Variants in SH2D7 observed in about 807,000 individuals in gnomAD.
SH2D7 encodes the protein SH2 domain containing 7.
A neutral mutation model predicts 40.8 loss-of-function variants in SH2D7; 32 were observed. The observed-to-expected ratio is 0.78, with a 90% confidence interval of 0.59 to 1.05. The LOEUF is 1.05. Ranked by LOEUF, SH2D7 falls within the 50% of genes least tolerant of loss-of-function variation. SH2D7 has a pLI of 0.00. For missense variants in SH2D7, 559 were observed against 566.6 expected (o/e 0.99, Z 0.14); for synonymous variants, 195 against 221.5 (o/e 0.88, Z 1.06).
chr15:78,094,394 C>T lies in SH2D7; in HGVS notation c.266+193C>T, dbSNP rs554166180. ...TGGCCATATACTAGGGATGAAGACA[C>T]GGCCTTCAAAGGAGGTGAGTGGGGT... On this transcript the variant is annotated intron_variant, in intron 2 of 5. Transcript: ENST00000328828. Among the ~76,000 whole-genome samples, 4 of 152,314 alleles carry T rather than the reference C, an allele frequency of 2.6e-5. No individual in the cohort carries two copies. In the South Asian group the frequency reaches 6.2e-4, roughly 24 times the overall value.
At chr15:78,098,761 C>T (rs1046718895) in intron 4 of SH2D7, among the ~76,000 whole-genome samples, 165 bp downstream of exon 4, 9 of 152,370 alleles carry the variant, frequency 5.9e-5, no homozygotes, top group South Asian at 2.1e-4. Flanking sequence ...AGGGTTCACC[C>T]GTGCCATGGC....
intron 2 of SH2D7, among the ~76,000 whole-genome samples, chr15:78,095,745 A>T (rs932546473): frequency 6.6e-6 from 1 of 152,226 alleles, no homozygotes; most frequent in Non-Finnish European, 1.5e-5. Context: ...TGAAAATGAG[A>T]GGCCAAGTTT....
upstream of SH2D7, among the ~76,000 whole-genome samples, chr15:78,091,493 G>A (rs571426648): frequency 1.3e-5 from 2 of 152,114 alleles, no homozygotes; most frequent in African/African-American, 4.8e-5. Flanking sequence ...GCCCAGGGTG[G>A]TCTCACATCA....
At position 78,098,000 on chromosome 15, in the gene SH2D7, C is replaced by T. The variant is rs185781197; in HGVS notation, c.338C>T (p.Thr113Ile). ...RNRRYIISGD[T>I]QSHSTLAELV... ...CGGCGTTACATCATCTCAGGAGACACCCAGAGCCACAGCACCCTGGCTGAG... is the reference window on the plus strand; with the variant it reads ...CGGCGTTACATCATCTCAGGAGACATCCAGAGCCACAGCACCCTGGCTGAG... Residue 113 changes from threonine to isoleucine, a missense_variant, in exon 3 of 6, where the codon ACC (threonine) becomes ATC (isoleucine). Transcript: ENST00000328828. The T allele has an allele frequency of 3.9e-5, 63 of 1,614,022 alleles. No homozygotes were observed. In the Admixed American group the frequency reaches 1.0e-3, roughly 26 times the overall value.
intron 2 of SH2D7, among the ~76,000 whole-genome samples, chr15:78,096,176 A>C (rs1235696866): frequency 1.3e-5 from 2 of 152,186 alleles, no homozygotes; most frequent in Non-Finnish European, 2.9e-5. Context: ...TTATAAAGAG[A>C]TATTATTAAG....
intron 2 of SH2D7, among the ~76,000 whole-genome samples, chr15:78,096,041 C>T (rs1343891826): frequency 1.3e-5 from 2 of 152,002 alleles, no homozygotes; most frequent in African/African-American, 4.8e-5. Flanking sequence ...TGGGGTTTCA[C>T]CATATTGGTC....
At chr15:78,100,814 C>A in intron 4 of SH2D7, 85 bp from the exon 5 acceptor site, 1 of 1,489,036 alleles carries the variant, frequency 6.7e-7, no homozygotes, top group Non-Finnish European at 9.1e-7. Context: ...GACAGGGGGC[C>A]TCGGCTTATC....
chr15:78,090,655 A>G (rs145275767), upstream of SH2D7, among the ~76,000 whole-genome samples: 834 of 152,040 alleles, frequency 5.5e-3, 7 homozygotes, highest in African/African-American at 0.017. Context: ...CATCATCATC[A>G]TCATCATCAA....
intron 2 of SH2D7, among the ~76,000 whole-genome samples, chr15:78,097,305 T>C (rs993878834): frequency 1.3e-5 from 2 of 152,158 alleles, no homozygotes; most frequent in South Asian, 2.1e-4. Flanking sequence ...GGTTCCTATA[T>C]GGAAATTCAT....
Position 78,103,504 on chromosome 15 carries a change from C to A in SH2D7, c.1345C>A (p.His449Asn). ...LRRLFFTYRKHKF is the reference protein window; with the variant it reads ...LRRLFFTYRKNKF The stretch of plus-strand genomic sequence containing the variant: ...GAGGCTCTTCTTCACGTACAGGAAG[C>A]ACAAATTCTGAGGGCCTGGCATCCG... Residue 449 changes from histidine (H) to asparagine (N), a missense_variant, in exon 6 of 6, where the codon CAC becomes AAC. Coordinates refer to ENST00000328828, the MANE Select transcript of SH2D7 (RefSeq NM_001101404.2). 6.4e-7 allele frequency: 1 copy of A among 1,564,976 alleles called. No homozygotes were observed. The highest frequency in any genetic ancestry group is 8.7e-7 in the Non-Finnish European group (1 of 1,153,916).
intron 3 of SH2D7, 55 bp downstream of exon 3, chr15:78,098,149 G>A: frequency 6.6e-7 from 1 of 1,526,188 alleles, no homozygotes. Flanking sequence ...CCCAGGCCTG[G>A]GGTATCCATC....
At position 78,100,495 on chromosome 15, in the gene SH2D7, C is replaced by T. The variant is rs138153074; in HGVS notation, c.646-404C>T. On this transcript the variant is annotated intron_variant, in intron 4 of 5. Coordinates refer to ENST00000328828, the MANE Select transcript of SH2D7 (RefSeq NM_001101404.2). ...GGTGGATCACCTGAGGTCAGGAGTT[C>T]GAGACCAGCCTGGCCAACTTGGGGA... Among the ~76,000 whole-genome samples the T allele has an allele frequency of 1.2e-4, 19 of 152,150 alleles. No homozygotes were observed. In the East Asian group the frequency reaches 2.7e-3, roughly 22 times the overall value.
At position 78,092,757 on chromosome 15, in the gene SH2D7, G is replaced by T; in HGVS notation, c.173G>T (p.Arg58Leu). The change falls in exon 1 of 6, where the codon CGC becomes CTC. Residue 58 changes from arginine (R) to leucine (L), a missense_variant. Coordinates refer to ENST00000328828, the MANE Select transcript of SH2D7 (RefSeq NM_001101404.2). Reference protein sequence around the residue: ...LPPWFHGFITRKQTEQLLRDK... With the variant: ...LPPWFHGFITLKQTEQLLRDK... ...CCCTGGTTTCATGGATTCATCACCC[G>T]CAAGTAAGGCTGCTTCTACCCACAG... 4 of 1,606,326 alleles carry T rather than the reference G, an allele frequency of 2.5e-6. No homozygotes were observed. The highest frequency in any genetic ancestry group is 2.2e-5 in the East Asian group (1 of 44,670).
rs759945289 is a variant in SH2D7 at position 78,100,885 on chromosome 15, C to T, written c.646-14C>T. On this transcript the variant is annotated splice_polypyrimidine_tract_variant and intron_variant, in intron 4 of 5. Transcript: ENST00000328828. ...GGCTGCCCCTTAAGAGTTTCTCTGT[C>T]CCTGTCTCCCCAGGCTCCCATCAGA... The T allele has an allele frequency of 1.9e-6, 3 of 1,609,584 alleles. No homozygotes were observed. Among genetic ancestry groups the T allele is most frequent in the South Asian group, 2.2e-5 (2 of 90,598 alleles).
chr15:78,100,343 C>T (rs2074005378), intron 4 of SH2D7, among the ~76,000 whole-genome samples: 1 of 152,174 alleles, frequency 6.6e-6, no homozygotes, highest in East Asian at 1.9e-4. Flanking sequence ...GTGGGAGGAG[C>T]ACGGGAAGGG....
chr15:78,092,768 T>C lies in SH2D7; in HGVS notation c.176+8T>C, dbSNP rs2141868276. On this transcript the variant is annotated splice_region_variant and intron_variant, in intron 1 of 5. Transcript: ENST00000328828. ...TGGATTCATCACCCGCAAGTAAGGC[T>C]GCTTCTACCCACAGGTCCCTCATAG... The C allele has an allele frequency of 1.2e-6, 2 of 1,604,248 alleles. No homozygotes were observed. The highest frequency in any genetic ancestry group is 1.7e-4 in the Middle Eastern group (1 of 6,036).
At chr15:78,095,474 G>A (rs889217169) in intron 2 of SH2D7, among the ~76,000 whole-genome samples, 6 of 152,152 alleles carry the variant, frequency 3.9e-5, no homozygotes, top group African/African-American at 1.2e-4. Context: ...ACAGAATAGA[G>A]TCCCAAAATA....
At chr15:78,093,545 T>A (rs2073952120) in intron 1 of SH2D7, among the ~76,000 whole-genome samples, 1 of 152,240 alleles carries the variant, frequency 6.6e-6, no homozygotes, top group Admixed American at 6.5e-5. Context: ...CTGGAACTTT[T>A]CTTCATGCCT....
intron 1 of SH2D7, among the ~76,000 whole-genome samples, 161 bp from the exon 2 acceptor site, chr15:78,093,951 G>A (rs778677230): frequency 2.6e-5 from 4 of 152,200 alleles, no homozygotes; most frequent in Non-Finnish European, 5.9e-5. Context: ...AACCCTGACA[G>A]GCCACAGACC....
Sources: gnomAD v4.1 joint callset for allele counts (sites outside exome capture counted in the v4.1 genomes callset) on GRCh38, gnomAD v4.1.1 for gene constraint, MANE v1.5 for transcripts, NCBI Gene and HGNC (gene_info 2026-07-23, HGNC 2026-07-21) for gene names.